FBXO24: variants seen among roughly 807,000 people sequenced by gnomAD.
FBXO24 encodes F-box protein 24.
A neutral mutation model predicts 63.5 loss-of-function variants in FBXO24; 30 were observed. The observed-to-expected ratio is 0.47, with a 90% CI of 0.35 to 0.64. The LOEUF (loss-of-function observed/expected upper bound fraction) is 0.64. Ranked by LOEUF, FBXO24 falls within the 30% of genes least tolerant of loss-of-function variation. The probability of loss-of-function intolerance (pLI) is 0.00; values close to 1 mark genes in which losing one functional copy is unlikely to be tolerated. For synonymous variants in FBXO24, 300 were observed against 305.0 expected, an observed-to-expected ratio of 0.98 and a Z score of 0.17; for missense variants, 624 against 763.4, an observed-to-expected ratio of 0.82 and a Z score of 2.15.
chr7:100,587,654 C>T (rs1305713209), intron 1 of FBXO24, among the ~76,000 whole-genome samples: 3 of 142,334 alleles, frequency 2.1e-5, no homozygotes, highest in African/African-American at 8.0e-5. Flanking sequence ...GGCTGGAGTG[C>T]AGTGGTGCAG....
At chr7:100,593,172 T>G (rs1802116497) in intron 5 of FBXO24, 155 bp downstream of exon 5, 1 of 613,758 alleles carries the variant, frequency 1.6e-6, no homozygotes, top group Admixed American at 2.9e-5. Context: ...TGTCTCCTAG[T>G]CTAGGATTCT....
Position 100,594,716 on chromosome 7 carries a change from C to G in FBXO24, c.952+175C>G, listed in dbSNP as rs902588581. ...CTGTAATCCCATCACTTTGGGAAAC[C>G]GAGGCAGGTGAATCACCTGAGGTCA... On this transcript the variant is annotated intron_variant, in intron 6 of 9. Coordinates refer to ENST00000241071, the MANE Select transcript of FBXO24 (RefSeq NM_033506.3). This position sits in a 1 kb window ranked among gnomAD's most constrained non-coding sequence, Gnocchi z 4.2. Among the ~76,000 whole-genome samples, 1 of 152,116 alleles carries G rather than the reference C, an allele frequency of 6.6e-6. No individual in the cohort carries two copies. The highest frequency in any genetic ancestry group is 1.5e-5 in the Non-Finnish European group (1 of 68,004).
In FBXO24 at chr7:100,592,935, G is replaced by T. The variant is rs748602323; in HGVS notation, c.711G>T (p.Lys237Asn). 5 of 1,614,226 alleles carry T rather than the reference G, an allele frequency of 3.1e-6. No individual in the cohort carries two copies. The Admixed American group carries it at 8.3e-5, about 27-fold the overall frequency. The change falls in exon 5 of 10, where the codon AAG (lysine) becomes AAT (asparagine). Residue 237 changes from lysine (K) to asparagine (N), a missense_variant. Lys to Asn is a moderately conservative substitution (Grantham distance 94, BLOSUM62 0). Transcript: ENST00000241071. ...AGTCTAGTGGGCAGCGGGTCTTCAA[G>T]ATGACATTCCACCACTCAATGACCT... The part of the protein sequence containing the change: ...YLQSSGQRVF[K>N]MTFHHSMTFK...
At position 100,600,901 on chromosome 7, in the gene FBXO24, C is replaced by A; in HGVS notation, c.*2C>A. On this transcript the variant is annotated 3_prime_UTR_variant, in exon 10 of 10. Transcript: ENST00000241071. This position sits in a 1 kb window ranked among gnomAD's most constrained non-coding sequence, Gnocchi z 6.3. ...GGGCCCCCAGCCCCTGAGACCTAAT[C>A]CCCCTCATGCTAGCCTAGTCCCTGG... 2 of 1,610,824 alleles carry A rather than the reference C, an allele frequency of 1.2e-6. No homozygotes were observed. The highest frequency in any genetic ancestry group is 1.7e-6 in the Non-Finnish European group (2 of 1,178,542).
Position 100,595,587 on chromosome 7 carries a change from G to T in FBXO24, c.1087G>T (p.Ala363Ser). Residue 363 changes from alanine to serine, a missense_variant, in exon 8 of 10, where the codon GCT becomes TCT. Ala to Ser is a moderately conservative substitution (Grantham distance 99). Transcript: ENST00000241071. ...TCTTGCACGCTAGATCCTATTCTGTGCTCTTGGCTACAACCACCTTGGCCT... is the reference window on the plus strand; with the variant it reads ...TCTTGCACGCTAGATCCTATTCTGTTCTCTTGGCTACAACCACCTTGGCCT... ...LSLPAKILFC[A>S]LGYNHLGLVD... 2 of 1,610,090 alleles carry T rather than the reference G, an allele frequency of 1.2e-6. No homozygotes were observed. The highest frequency in any genetic ancestry group is 1.7e-6 in the Non-Finnish European group (2 of 1,177,536).
rs534099276 is a variant in FBXO24, at chr7:100,600,018, C to T, written c.1207-13C>T. 2.5e-5 allele frequency: 40 copies of T among 1,604,340 alleles called. No individual in the cohort carries two copies. The highest frequency in any genetic ancestry group is 1.4e-4 in the Admixed American group (8 of 59,192). On this transcript the variant is annotated splice_polypyrimidine_tract_variant and intron_variant, in intron 8 of 9. Coordinates refer to ENST00000241071, the MANE Select transcript of FBXO24 (RefSeq NM_033506.3). This position sits in a 1 kb window ranked among gnomAD's most constrained non-coding sequence, Gnocchi z 6.3. Reference sequence around the variant, plus strand: ...GTGCTCCCTGCTCAGGGACCCTGGCCGTGTGTCCCCAGGTTTGTTACCTGC... The same window carrying T: ...GTGCTCCCTGCTCAGGGACCCTGGCTGTGTGTCCCCAGGTTTGTTACCTGC...
Position 100,600,957 on chromosome 7 carries a change from A to G in FBXO24, c.*58A>G, listed in dbSNP as rs1802581759. 6.4e-7 allele frequency: 1 copy of G among 1,564,672 alleles called. No individual in the cohort carries two copies. The highest frequency in any genetic ancestry group is 2.2e-5 in the East Asian group (1 of 44,620). ...GGAGTCCGGCCCCAGGCCAGGGACT[A>G]AGGAGCAATGACCATTGTGCACATG... On this transcript the variant is annotated 3_prime_UTR_variant, in exon 10 of 10. Coordinates refer to ENST00000241071, the MANE Select transcript of FBXO24 (RefSeq NM_033506.3). The surrounding 1 kb of genome is among the most constrained non-coding windows in gnomAD (Gnocchi z 6.3).
intron 8 of FBXO24, among the ~76,000 whole-genome samples, chr7:100,596,274 G>C (rs969231138): frequency 6.6e-6 from 1 of 151,892 alleles, no homozygotes; most frequent in Non-Finnish European, 1.5e-5. Flanking sequence ...GCGAGACTCC[G>C]TCTCAAAGAA....
At chr7:100,599,985 G>A (rs375169490) in intron 8 of FBXO24, 46 bp from the exon 9 acceptor site, 77 of 845,346 alleles carry the variant, frequency 9.1e-5, no homozygotes, top group Non-Finnish European at 1.3e-4. Flanking sequence ...CAGCCCCCCC[G>A]TCCCTTGGTG....
intron 5 of FBXO24, 78 bp downstream of exon 5, chr7:100,593,095 G>T: frequency 8.0e-7 from 1 of 1,255,634 alleles, no homozygotes; most frequent in Non-Finnish European, 1.1e-6. Context: ...GGGGGAGGGA[G>T]GCCCCTCAGA....
At chr7:100,587,706 C>T (rs970182655) in intron 1 of FBXO24, among the ~76,000 whole-genome samples, 3 of 144,744 alleles carry the variant, frequency 2.1e-5, no homozygotes, top group African/African-American at 7.8e-5. Flanking sequence ...CTCAAGTGAT[C>T]CTCCTGCCTC....
intron 8 of FBXO24, among the ~76,000 whole-genome samples, chr7:100,597,062 C>T (rs1802345131): frequency 1.3e-5 from 2 of 152,046 alleles, no homozygotes; most frequent in Admixed American, 6.6e-5. Context: ...AAAACAAAAA[C>T]CACACTCAAT....
chr7:100,595,170 G>A lies in FBXO24; in HGVS notation c.1021G>A (p.Ala341Thr). The A allele has an allele frequency of 1.2e-6, 2 of 1,614,120 alleles. No individual in the cohort carries two copies. The highest frequency in any genetic ancestry group is 8.5e-7 in the Non-Finnish European group (1 of 1,180,002). The change falls in exon 7 of 10, where the codon GCC becomes ACC. Residue 341 changes from alanine (A) to threonine (T), a missense_variant. Ala to Thr is a moderately conservative substitution (Grantham distance 58, BLOSUM62 0). Coordinates refer to ENST00000241071, the MANE Select transcript of FBXO24 (RefSeq NM_033506.3). ...VYRDLFGTLQ[A>T]FDPLDQQMPL... Reference sequence around the variant, plus strand: ...TCGCGATCTCTTTGGGACCCTTCAAGCCTTTGACCCCCTGGACCAGCAGAT... The same window carrying A: ...TCGCGATCTCTTTGGGACCCTTCAAACCTTTGACCCCCTGGACCAGCAGAT...
intron 1 of FBXO24, among the ~76,000 whole-genome samples, chr7:100,587,962 C>G (rs1217180210): frequency 6.6e-6 from 1 of 151,448 alleles, no homozygotes; most frequent in Non-Finnish European, 1.5e-5. Context: ...AGTGCAGTGG[C>G]TTGATCGCAG....
At chr7:100,599,850 C>T (rs761108372) in intron 8 of FBXO24, 181 bp from the exon 9 acceptor site, 3 of 638,472 alleles carry the variant, frequency 4.7e-6, no homozygotes, top group South Asian at 1.9e-5. Context: ...CCCTATGTGA[C>T]CAGTTAGAGT....
At chr7:100,597,893 G>GTTT (rs556578958) in intron 8 of FBXO24, among the ~76,000 whole-genome samples, 3 of 134,826 alleles carry the variant, frequency 2.2e-5, no homozygotes, top group African/African-American at 8.2e-5. Context: ...TGTTTTTTTT[G>GTTT]TTTTTTTTTT....
In FBXO24 at chr7:100,591,670, C is replaced by T. The variant is rs758468986; in HGVS notation, c.326C>T (p.Thr109Met). The T allele has an allele frequency of 2.5e-6, 4 of 1,614,050 alleles. No homozygotes were observed. The highest frequency in any genetic ancestry group is 4.5e-5 in the East Asian group (2 of 44,880). Reference protein sequence around the residue: ...PWKRAAILNYTKGLYFQAFGG... With the variant: ...PWKRAAILNYMKGLYFQAFGG... The stretch of plus-strand genomic sequence containing the variant: ...TCCATCTCCTTCCTTCCTCCAGACA[C>T]GAAGGGCCTGTATTTCCAGGCATTT... Residue 109 changes from threonine (T) to methionine (M), a missense_variant, in exon 4 of 10, where the codon ACG (threonine) becomes ATG (methionine). By Grantham distance (81) the Thr-to-Met change is moderately conservative. Coordinates refer to ENST00000241071, the MANE Select transcript of FBXO24 (RefSeq NM_033506.3).
In FBXO24 at chr7:100,591,698, A is replaced by T. The variant is rs1453433041; in HGVS notation, c.354A>T (p.Gly118=). 1 of 1,614,126 alleles carries T rather than the reference A, an allele frequency of 6.2e-7. No individual in the cohort carries two copies. The highest frequency in any genetic ancestry group is 8.5e-7 in the Non-Finnish European group (1 of 1,180,022). The change falls in exon 4 of 10, where the codon GGA becomes GGT. Residue 118 remains glycine (G), a synonymous_variant. Coordinates refer to ENST00000241071, the MANE Select transcript of FBXO24 (RefSeq NM_033506.3). ...AGGGCCTGTATTTCCAGGCATTTGG[A>T]GGCCGCCGCCGATGTCTCAGCAAGA... The part of the protein sequence containing the change: ...YTKGLYFQAF[G]GRRRCLSKSV...
At chr7:100,593,881 C>G (rs1377348978) in intron 5 of FBXO24, among the ~76,000 whole-genome samples, 1 of 151,828 alleles carries the variant, frequency 6.6e-6, no homozygotes, top group Non-Finnish European at 1.5e-5. Context: ...TCCCTACTTT[C>G]CCAATGTCCT....
Sources: gnomAD v4.1 joint callset for allele counts (sites outside exome capture counted in the v4.1 genomes callset) on GRCh38, gnomAD v4.1.1 for gene constraint, Gnocchi (gnomAD v3.1) non-coding constraint, MANE v1.5 for transcripts, NCBI Gene and HGNC (gene_info 2026-07-23, HGNC 2026-07-21) for gene names.